The following CNBD1 variants were observed in gnomAD, a reference collection of about 807,000 sequenced individuals.
The protein encoded by CNBD1 is cyclic nucleotide-binding domain-containing protein 1.
In CNBD1, 71 loss-of-function variants were observed where a neutral mutation model predicts 54.4. The observed-to-expected ratio is 1.30, with a 90% CI of 1.08 to 1.59. CNBD1 has a LOEUF of 1.59. CNBD1 is among the 40% of genes most tolerant of loss of function. The probability of loss-of-function intolerance (pLI) is 0.00; values close to 1 mark genes in which losing one functional copy is unlikely to be tolerated. For synonymous variants in CNBD1, 182 were observed against 170.7 expected (o/e 1.07, Z -0.51); for missense variants, 659 against 518.0 (o/e 1.27, Z -2.64).
At chr8:87,300,539 T>C (rs983156337) in intron 8 of CNBD1, among the ~76,000 whole-genome samples, 1 of 152,206 alleles carries the variant, frequency 6.6e-6, no homozygotes, top group Non-Finnish European at 1.5e-5. Flanking sequence ...AGCTGGTCAC[T>C]TAATTGAAGA....
chr8:87,309,132 A>G (rs909219117), intron 8 of CNBD1, among the ~76,000 whole-genome samples: 1 of 152,044 alleles, frequency 6.6e-6, no homozygotes, highest in Admixed American at 6.6e-5. Context: ...GGATCATGTG[A>G]TAGTTCTAAT....
chr8:87,014,480 A>C (rs1227115081), intron 4 of CNBD1, among the ~76,000 whole-genome samples: 1 of 152,096 alleles, frequency 6.6e-6, no homozygotes, highest in Non-Finnish European at 1.5e-5. Flanking sequence ...AACTAACCAT[A>C]AGCTTTATTA....
chr8:87,328,601 C>T (rs1022985588), intron 8 of CNBD1, among the ~76,000 whole-genome samples: 2 of 151,730 alleles, frequency 1.3e-5, no homozygotes, highest in Non-Finnish European at 2.9e-5. Context: ...CTTTGTGATT[C>T]CATATCAATT....
At chr8:87,181,755 T>A (rs1416592527) in intron 4 of CNBD1, among the ~76,000 whole-genome samples, 1 of 152,186 alleles carries the variant, frequency 6.6e-6, no homozygotes, top group Non-Finnish European at 1.5e-5. Flanking sequence ...TTAATTTAGA[T>A]TTAATTTTTC....
At position 87,084,738 on chromosome 8, in the gene CNBD1, A is replaced by C. The variant is rs570772247; in HGVS notation, c.432-121255A>C. The stretch of plus-strand genomic sequence containing the variant: ...GTTGCCCAGGCTGGAGTGCAATGGC[A>C]CAATCTCAGCTCACTGCAACCTCTG... On this transcript the variant is annotated intron_variant, in intron 4 of 10. Coordinates refer to ENST00000518476, the MANE Select transcript of CNBD1 (RefSeq NM_173538.3). Among the ~76,000 whole-genome samples the C allele has an allele frequency of 3.3e-5, 5 of 151,124 alleles. No homozygotes were observed. In the East Asian group the frequency reaches 9.8e-4, roughly 30 times the overall value.
intron 4 of CNBD1, among the ~76,000 whole-genome samples, chr8:87,138,516 T>C (rs536201569): frequency 1.3e-5 from 2 of 152,330 alleles, no homozygotes; most frequent in East Asian, 3.9e-4. Flanking sequence ...ATAAACTTAC[T>C]GCACAAACGC....
intron 9 of CNBD1, 65 bp downstream of exon 9, chr8:87,351,859 T>A: frequency 7.7e-7 from 1 of 1,304,682 alleles, no homozygotes. Context: ...GTCAGATACC[T>A]TTTCATGTAC....
At chr8:87,297,039 T>G (rs751648662) in intron 8 of CNBD1, among the ~76,000 whole-genome samples, 5 of 151,014 alleles carry the variant, frequency 3.3e-5, no homozygotes, top group Admixed American at 6.6e-5. Context: ...TTGGCCGGGC[T>G]TGGTGGCGGG....
intron 4 of CNBD1, among the ~76,000 whole-genome samples, chr8:86,987,426 G>A (rs1460928390): frequency 6.6e-6 from 1 of 152,034 alleles, no homozygotes; most frequent in African/African-American, 2.4e-5. Flanking sequence ...GCATTTTGTA[G>A]GTATAGAATC....
At chr8:87,277,519 A>T (rs1323120767) in intron 6 of CNBD1, among the ~76,000 whole-genome samples, 1 of 151,772 alleles carries the variant, frequency 6.6e-6, no homozygotes, top group Admixed American at 6.6e-5. Context: ...ACAGAATTTG[A>T]GTAATATGTA....
intron 2 of CNBD1, among the ~76,000 whole-genome samples, chr8:87,424,407 G>A (rs4581070): frequency 0.27 from 40,870 of 151,934 alleles, 6,438 homozygotes; most frequent in Middle Eastern, 0.4. Flanking sequence ...TCTCTTGTGG[G>A]CATTTAGTGC....
At chr8:87,091,094 AGTG>A (rs1811194363) in intron 4 of CNBD1, among the ~76,000 whole-genome samples, 3 of 145,258 alleles carry the variant, frequency 2.1e-5, no homozygotes, top group Non-Finnish European at 4.5e-5. Flanking sequence ...GAGGTGAGGT[AGTG>A]CTACTACACT....
At chr8:87,318,159 G>C (rs1809439549) in intron 8 of CNBD1, among the ~76,000 whole-genome samples, 1 of 149,618 alleles carries the variant, frequency 6.7e-6, no homozygotes, top group African/African-American at 2.5e-5. Flanking sequence ...ATTGTCTTCT[G>C]ATTCTAATAT....
intron 5 of CNBD1, among the ~76,000 whole-genome samples, chr8:87,224,703 T>A (rs1364857207): frequency 2.0e-5 from 3 of 151,768 alleles, no homozygotes; most frequent in African/African-American, 7.3e-5. Flanking sequence ...TTCTTTTGGC[T>A]CAGGATTGAC....
chr8:87,323,193 TTTTGG>T (rs1809579125), intron 8 of CNBD1, among the ~76,000 whole-genome samples: 4 of 121,002 alleles, frequency 3.3e-5, no homozygotes, highest in African/African-American at 9.5e-5. Flanking sequence ...TACCATGCTG[TTTTGG>T]TTACTGTAGC....
intron 8 of CNBD1, among the ~76,000 whole-genome samples, chr8:87,347,156 T>C (rs1586034400): frequency 6.6e-6 from 1 of 152,186 alleles, no homozygotes; most frequent in South Asian, 2.1e-4. Context: ...ACTGTACACT[T>C]TCTTTTTATT....
chr8:87,131,816 C>T (rs1812123443), intron 4 of CNBD1, among the ~76,000 whole-genome samples: 1 of 151,948 alleles, frequency 6.6e-6, no homozygotes, highest in Non-Finnish European at 1.5e-5. Flanking sequence ...TTCTGATGCT[C>T]TTATTTTCTC....
At chr8:87,097,778 T>C in intron 4 of CNBD1, among the ~76,000 whole-genome samples, 1 of 152,172 alleles carries the variant, frequency 6.6e-6, no homozygotes, top group Admixed American at 6.6e-5. Context: ...GGTGCTAGTT[T>C]TTCAGATTCC....
At position 87,272,059 on chromosome 8, in the gene CNBD1, A is replaced by G. The variant is rs528589455; in HGVS notation, c.772-12619A>G. On this transcript the variant is annotated intron_variant, in intron 6 of 10. Coordinates refer to ENST00000518476, the MANE Select transcript of CNBD1 (RefSeq NM_173538.3). ...AAAGAGTGAATCTCATAAAGATAAA[A>G]TGTAGGCTGGTGGTTATCAGAGGCC... Among the ~76,000 whole-genome samples the G allele has an allele frequency of 1.1e-3, 166 of 152,074 alleles. 10 individuals are homozygous for G. The South Asian group carries it at 0.023, about 21-fold the overall frequency.
Sources: allele counts gnomAD v4.1 joint callset (sites outside exome capture counted in the v4.1 genomes callset), GRCh38; gene constraint gnomAD v4.1.1; transcripts MANE v1.5; gene names NCBI Gene and HGNC (gene_info 2026-07-23, HGNC 2026-07-21).